NRXN1: variants seen among roughly 807,000 people sequenced by gnomAD.
NRXN1 encodes the protein neurexin 1, also known as neurexin-1.
A neutral mutation model predicts 150.9 loss-of-function variants in NRXN1; 39 were observed. The observed-to-expected ratio is 0.26, with a 90% CI of 0.20 to 0.34. The LOEUF (loss-of-function observed/expected upper bound fraction) is 0.34. NRXN1 is among the 10% of genes least tolerant of loss of function. NRXN1 has a pLI of 1.00. For missense variants in NRXN1, 1,815 were observed against 1,949.9 expected, an observed-to-expected ratio of 0.93 and a Z score of 1.30; for synonymous variants, 924 against 757.0, an observed-to-expected ratio of 1.22 and a Z score of -3.62.
chr2:50,326,042 T>C (rs1303131654), intron 17 of NRXN1, among the ~76,000 whole-genome samples: 2 of 152,200 alleles, frequency 1.3e-5, no homozygotes, highest in African/African-American at 2.4e-5. Context: ...AAGTTCAAAG[T>C]AAGCATTTTA....
At chr2:49,930,644 TG>T (rs1356436668) in intron 22 of NRXN1, among the ~76,000 whole-genome samples, 2 of 152,248 alleles carry the variant, frequency 1.3e-5, no homozygotes, top group East Asian at 1.9e-4. Context: ...CCAATAGTTT[TG>T]TCTTTTTTCA....
chr2:50,092,731 G>C (rs1295885334), intron 18 of NRXN1, among the ~76,000 whole-genome samples: 1 of 152,132 alleles, frequency 6.6e-6, no homozygotes, highest in Admixed American at 6.5e-5. Context: ...GAAAATATTT[G>C]AGGATGTTAT....
chr2:50,790,736 C>A lies in NRXN1; in HGVS notation c.832+131133G>T, dbSNP rs568054819. 2.6e-4 allele frequency among the ~76,000 whole-genome samples: 40 copies of A among 152,230 alleles called. No individual in the cohort carries two copies. In the South Asian group the frequency reaches 6.0e-3, roughly 23 times the overall value. ...TTGGATTTCAGAATATTTGCCTATACATAATGTTCACATGGGAAATCTGGG... is the reference window on the plus strand; with the variant it reads ...TTGGATTTCAGAATATTTGCCTATAAATAATGTTCACATGGGAAATCTGGG... On this transcript the variant is annotated intron_variant, in intron 5 of 22. Coordinates refer to ENST00000401669, the MANE Select transcript of NRXN1 (RefSeq NM_001330078.2).
chr2:50,240,706 T>C (rs1425909934), intron 17 of NRXN1, among the ~76,000 whole-genome samples: 3 of 151,724 alleles, frequency 2.0e-5, no homozygotes, highest in East Asian at 1.9e-4. Context: ...GTGACCTTGG[T>C]AGCCATTTAT....
chr2:50,580,176 A>C (rs1672039822), intron 8 of NRXN1, among the ~76,000 whole-genome samples: 1 of 152,176 alleles, frequency 6.6e-6, no homozygotes, highest in African/African-American at 2.4e-5. Context: ...CCATATTTTA[A>C]AAGAAAACAG....
At chr2:50,997,333 T>G (rs1699450650) in intron 2 of NRXN1, among the ~76,000 whole-genome samples, 1 of 151,642 alleles carries the variant, frequency 6.6e-6, no homozygotes, top group African/African-American at 2.4e-5. Flanking sequence ...GCCATTGCAC[T>G]CCAGCCTGGG....
chr2:50,329,578 AGTG>A (rs1244956774), intron 17 of NRXN1, among the ~76,000 whole-genome samples: 3 of 33,980 alleles, frequency 8.8e-5, no homozygotes. Flanking sequence ...ATATAACAGT[AGTG>A]TGTGTGTGTG....
chr2:50,835,748 T>C (rs771626613), intron 5 of NRXN1, among the ~76,000 whole-genome samples: 11 of 152,212 alleles, frequency 7.2e-5, no homozygotes, highest in Non-Finnish European at 1.5e-4. Flanking sequence ...TATGCAAGTA[T>C]ACATACTGTG....
chr2:50,697,888 A>G (rs1361859406), intron 5 of NRXN1, among the ~76,000 whole-genome samples: 1 of 152,082 alleles, frequency 6.6e-6, no homozygotes, highest in Non-Finnish European at 1.5e-5. Flanking sequence ...CCCAAAGTAG[A>G]CAGCTCTCCA....
In NRXN1 at chr2:50,346,680, C is replaced by A. The variant is rs372760146; in HGVS notation, c.3365-109710G>T. 3 of 1,612,358 alleles carry A rather than the reference C, an allele frequency of 1.9e-6. No homozygotes were observed. The highest frequency in any genetic ancestry group is 2.7e-5 in the African/African-American group (2 of 74,842). On this transcript the variant is annotated intron_variant, in intron 17 of 22. Transcript: ENST00000401669. The surrounding 1 kb of genome is among the most constrained non-coding windows in gnomAD (Gnocchi z 5.0). ...GGGATAACCCGCGAGAACTTGGCAT[C>A]GCAGACCCACCGTGTCCGCCTCGCA...
intron 19 of NRXN1, among the ~76,000 whole-genome samples, chr2:50,057,183 A>G (rs1363045): frequency 0.64 from 97,979 of 151,946 alleles, 31,910 homozygotes; most frequent in African/African-American, 0.69. Context: ...TACTTCCACA[A>G]TCTGGTCCCT....
chr2:50,040,138 A>T (rs1690700669), intron 21 of NRXN1, among the ~76,000 whole-genome samples: 1 of 152,120 alleles, frequency 6.6e-6, no homozygotes, highest in South Asian at 2.1e-4. Flanking sequence ...GTTAAAGTTA[A>T]CATCCCTGGA....
chr2:50,661,026 A>G (rs1268463296), intron 5 of NRXN1, among the ~76,000 whole-genome samples: 1 of 151,992 alleles, frequency 6.6e-6, no homozygotes, highest in African/African-American at 2.4e-5. Flanking sequence ...TTTCATTCTC[A>G]TCTAGGTTCA....
At chr2:50,782,522 G>A (rs1462603298) in intron 5 of NRXN1, among the ~76,000 whole-genome samples, 1 of 152,046 alleles carries the variant, frequency 6.6e-6, no homozygotes, top group East Asian at 1.9e-4. Flanking sequence ...TCCTAAAGCT[G>A]GATTGTAGCA....
intron 5 of NRXN1, among the ~76,000 whole-genome samples, chr2:50,638,543 T>G (rs541055761): frequency 3.9e-5 from 6 of 152,270 alleles, no homozygotes; most frequent in Admixed American, 1.3e-4. Context: ...TAACACTACC[T>G]CTTGAATATG....
chr2:50,833,036 G>C (rs923015101), intron 5 of NRXN1, among the ~76,000 whole-genome samples: 2 of 152,044 alleles, frequency 1.3e-5, no homozygotes, highest in Non-Finnish European at 2.9e-5. Context: ...CACCAAACAG[G>C]CTATATGGGG....
chr2:50,096,195 C>G (rs1455194517), intron 18 of NRXN1, among the ~76,000 whole-genome samples: 1 of 152,056 alleles, frequency 6.6e-6, no homozygotes, highest in African/African-American at 2.4e-5. Context: ...CAAGTTGCAT[C>G]AGGCTTTGAA....
chr2:50,317,375 A>G (rs981468592), intron 17 of NRXN1, among the ~76,000 whole-genome samples: 2 of 151,958 alleles, frequency 1.3e-5, no homozygotes, highest in Non-Finnish European at 2.9e-5. Context: ...ACAGTCAGGA[A>G]GAATGAAACA....
At chr2:50,719,537 A>G (rs1696345399) in intron 5 of NRXN1, among the ~76,000 whole-genome samples, 1 of 151,828 alleles carries the variant, frequency 6.6e-6, no homozygotes, top group African/African-American at 2.4e-5. Flanking sequence ...TTAGCCATGC[A>G]TGGTGGCATA....
Sources: gnomAD v4.1 joint callset for allele counts (sites outside exome capture counted in the v4.1 genomes callset) on GRCh38, gnomAD v4.1.1 for gene constraint, Gnocchi (gnomAD v3.1) non-coding constraint, MANE v1.5 for transcripts, NCBI Gene and HGNC (gene_info 2026-07-23, HGNC 2026-07-21) for gene names.